The following SDK1 variants were observed in gnomAD, a reference collection of about 807,000 sequenced individuals.
SDK1 encodes the protein sidekick cell adhesion molecule 1.
In SDK1, 157 loss-of-function variants were observed where a neutral mutation model predicts 245.5. The ratio of observed to expected loss-of-function variants is 0.64; its 90% CI spans 0.56 to 0.73. SDK1 has a LOEUF of 0.73. SDK1 is among the 30% of genes least tolerant of loss of function. The pLI, the probability that SDK1 is intolerant of heterozygous loss-of-function variation, is 0.00. For missense variants in SDK1, 3,583 were observed against 3,002.3 expected (o/e 1.19, Z -4.52); for synonymous variants, 1,647 against 1,278.5 (o/e 1.29, Z -6.15).
chr7:4,260,568 C>G (rs1342944632), intron 44 of SDK1, among the ~76,000 whole-genome samples: 1 of 126,314 alleles, frequency 7.9e-6, no homozygotes, highest in Non-Finnish European at 1.6e-5. Context: ...GATGGAGAAG[C>G]TGGCTGCTCC....
At chr7:3,806,239 A>G (rs988922120) in intron 4 of SDK1, among the ~76,000 whole-genome samples, 1 of 152,150 alleles carries the variant, frequency 6.6e-6, no homozygotes, top group African/African-American at 2.4e-5. Context: ...TAACCTCACC[A>G]TATCTGCAAA....
At chr7:3,483,441 C>G (rs967932723) in intron 1 of SDK1, among the ~76,000 whole-genome samples, 1 of 152,044 alleles carries the variant, frequency 6.6e-6, no homozygotes, top group Admixed American at 6.5e-5. Flanking sequence ...TTTGCGCTTG[C>G]CAAAATCCCT....
At chr7:3,451,954 T>G (rs539644158) in intron 1 of SDK1, among the ~76,000 whole-genome samples, 1 of 152,206 alleles carries the variant, frequency 6.6e-6, no homozygotes, top group South Asian at 2.1e-4. Flanking sequence ...TTATGAGCTC[T>G]GACTCCAATA....
intron 5 of SDK1, among the ~76,000 whole-genome samples, chr7:3,916,930 A>G (rs1779404235): frequency 6.6e-6 from 1 of 152,172 alleles, no homozygotes; most frequent in African/African-American, 2.4e-5. Context: ...ACAGATGCAG[A>G]CTCATAGTAT....
At position 4,233,379 on chromosome 7, in the gene SDK1, G is replaced by A. The variant is rs202174587; in HGVS notation, c.5952G>A (p.Ala1984=). 102 of 1,613,574 alleles carry A rather than the reference G, an allele frequency of 6.3e-5. No homozygotes were observed. The highest frequency in any genetic ancestry group is 5.5e-4 in the African/African-American group (41 of 75,068). ...TCCGGGTGGTGGCTGTGAATGAGGC[G>A]GGCTACGGGGAGCCCAGCAACCCCT... ...YEFRVVAVNE[A]GYGEPSNPST... is the part of the protein sequence containing the mutation. Residue 1984 remains alanine (A), a synonymous_variant, in exon 41 of 45, where the codon GCG becomes GCA. Transcript: ENST00000404826.
intron 4 of SDK1, among the ~76,000 whole-genome samples, chr7:3,780,599 C>G (rs1390165320): frequency 1.3e-5 from 2 of 152,182 alleles, no homozygotes; most frequent in East Asian, 3.8e-4. Flanking sequence ...AGCTTCAGAG[C>G]CCACCCAACA....
rs114565404 is a variant in SDK1 at position 3,381,980 on chromosome 7, G to A, written c.298+80096G>A. Among the ~76,000 whole-genome samples, 566 of 152,180 alleles carry A rather than the reference G, an allele frequency of 3.7e-3. 7 individuals carry two copies. The highest frequency in any genetic ancestry group is 0.013 in the African/African-American group (547 of 41,496). On this transcript the variant is annotated intron_variant, in intron 1 of 44. Coordinates refer to ENST00000404826, the MANE Select transcript of SDK1 (RefSeq NM_152744.4). ...GCACAAAAGCAGTTAAAACTTAACC[G>A]TTCGTCTTAAAGTAATTTATAACTA...
intron 4 of SDK1, among the ~76,000 whole-genome samples, chr7:3,687,707 C>G (rs913536515): frequency 3.3e-5 from 5 of 152,120 alleles, no homozygotes; most frequent in African/African-American, 1.2e-4. Flanking sequence ...GAAGTCTACA[C>G]GGGTCAGCAA....
intron 31 of SDK1, 35 bp downstream of exon 31, chr7:4,158,586 C>A: frequency 6.6e-7 from 1 of 1,507,326 alleles, no homozygotes; most frequent in Non-Finnish European, 9.2e-7. Context: ...CGTTCCTGGC[C>A]GCTGCCCCTG....
intron 1 of SDK1, among the ~76,000 whole-genome samples, chr7:3,474,091 G>GTTTTT (rs869083123): frequency 0.02 from 855 of 43,272 alleles, 198 homozygotes; most frequent in African/African-American, 0.041. Flanking sequence ...ACCAGATGGT[G>GTTTTT]TTTTTTTTTT....
intron 1 of SDK1, among the ~76,000 whole-genome samples, chr7:3,438,228 A>G (rs764837357): frequency 1.3e-5 from 2 of 152,178 alleles, no homozygotes; most frequent in Non-Finnish European, 1.5e-5. Flanking sequence ...GCTAAGACCT[A>G]TATTATTTTA....
At position 4,241,775 on chromosome 7, in the gene SDK1, T is replaced by C. The variant is rs776444609; in HGVS notation, c.6131-18T>C. On this transcript the variant is annotated intron_variant, in intron 42 of 44. Coordinates refer to ENST00000404826, the MANE Select transcript of SDK1 (RefSeq NM_152744.4). ...ACACCAGTAACACGTCTGTTCTCACTCTCCTGCTGGGCTTTAGGAAAGGGG... is the reference window on the plus strand; with the variant it reads ...ACACCAGTAACACGTCTGTTCTCACCCTCCTGCTGGGCTTTAGGAAAGGGG... The C allele has an allele frequency of 2.5e-6, 4 of 1,613,984 alleles. No homozygotes were observed. In the South Asian group the frequency reaches 4.4e-5, roughly 18 times the overall value.
intron 9 of SDK1, among the ~76,000 whole-genome samples, chr7:3,965,495 A>G (rs922365729): frequency 2.6e-5 from 4 of 152,218 alleles, no homozygotes; most frequent in African/African-American, 7.2e-5. Context: ...GTTTTTTGCA[A>G]AATGAGTTTT....
chr7:4,113,994 G>A, intron 24 of SDK1, 43 bp from the exon 25 acceptor site: 1 of 1,558,804 alleles, frequency 6.4e-7, no homozygotes, highest in Non-Finnish European at 8.8e-7. Flanking sequence ...GAGGGTGGCA[G>A]TTCTGAGATG....
intron 1 of SDK1, among the ~76,000 whole-genome samples, chr7:3,480,862 G>C (rs1377661751): frequency 6.6e-6 from 1 of 152,218 alleles, no homozygotes; most frequent in African/African-American, 2.4e-5. Flanking sequence ...GTTGGTTGTA[G>C]CCAGTGACGC....
chr7:3,886,526 A>G (rs1781342909), intron 5 of SDK1, among the ~76,000 whole-genome samples: 2 of 152,192 alleles, frequency 1.3e-5, no homozygotes, highest in African/African-American at 4.8e-5. Flanking sequence ...TGACAATACA[A>G]ATATTTAACT....
At chr7:4,094,362 C>T (rs962409145) in intron 22 of SDK1, among the ~76,000 whole-genome samples, 8 of 152,170 alleles carry the variant, frequency 5.3e-5, no homozygotes, top group Non-Finnish European at 7.4e-5. Flanking sequence ...GCGCCCGGCC[C>T]AGCCGGGGGT....
At chr7:4,189,215 G>C (rs1783053982) in intron 35 of SDK1, among the ~76,000 whole-genome samples, 1 of 152,164 alleles carries the variant, frequency 6.6e-6, no homozygotes. Flanking sequence ...AGCGCTCCTG[G>C]TGCAGGTCCT....
intron 17 of SDK1, among the ~76,000 whole-genome samples, chr7:4,024,722 G>T (rs1787197718): frequency 6.6e-6 from 1 of 152,212 alleles, no homozygotes; most frequent in African/African-American, 2.4e-5. Flanking sequence ...CTTTCCCAAG[G>T]TGATATAGCT....
Sources: gnomAD v4.1 joint callset for allele counts (sites outside exome capture counted in the v4.1 genomes callset) on GRCh38, gnomAD v4.1.1 for gene constraint, MANE v1.5 for transcripts, NCBI Gene and HGNC (gene_info 2026-07-23, HGNC 2026-07-21) for gene names.